Variants in COG3 observed in about 807,000 individuals in gnomAD.
The protein encoded by COG3 is conserved oligomeric Golgi complex subunit 3.
A neutral mutation model predicts 114.1 loss-of-function variants in COG3; 32 were observed. The observed-to-expected ratio is 0.28, with a 90% confidence interval of 0.21 to 0.38. The LOEUF (loss-of-function observed/expected upper bound fraction) is 0.38. Among genes scored for constraint, COG3 ranks in the 10% least tolerant of loss-of-function variants. The probability of loss-of-function intolerance (pLI) is 1.00; values close to 1 mark genes in which losing one functional copy is unlikely to be tolerated. For synonymous variants in COG3, 352 were observed against 365.7 expected, an observed-to-expected ratio of 0.96 and a Z score of 0.43; for missense variants, 813 against 973.2, an observed-to-expected ratio of 0.84 and a Z score of 2.19.
chr13:45,511,669 A>T (rs1451278893), intron 15 of COG3, 96 bp from the exon 16 acceptor site: 1 of 868,156 alleles, frequency 1.2e-6, no homozygotes, highest in African/African-American at 1.7e-5. Flanking sequence ...CCATGAGGGC[A>T]AGCAGGCATT....
chr13:45,506,747 A>G (rs949503109), intron 14 of COG3, among the ~76,000 whole-genome samples: 1 of 152,214 alleles, frequency 6.6e-6, no homozygotes, highest in Non-Finnish European at 1.5e-5. Flanking sequence ...AGTCATAATC[A>G]CTTTTCCTGG....
chr13:45,530,880 TA>T, intron 22 of COG3, 100 bp downstream of exon 22: 1 of 1,363,838 alleles, frequency 7.3e-7, no homozygotes, highest in Middle Eastern at 2.1e-4. Flanking sequence ...AGTATTAATT[TA>T]AAAAATATTA....
chr13:45,535,981 C>A lies in COG3; in HGVS notation c.*1250C>A. ...CTTTTGGTGCAGTGGGTGCCTGTAA[C>A]TCATTAGACGTACTGAGGCAGCACT... On this transcript the variant is annotated 3_prime_UTR_variant, in exon 23 of 23. Transcript: ENST00000349995. 1 of 519,612 alleles carries A rather than the reference C, an allele frequency of 1.9e-6. No individual in the cohort carries two copies. The highest frequency in any genetic ancestry group is 2.5e-6 in the Non-Finnish European group (1 of 402,756). 32.2% of individuals were successfully genotyped at this position (519,612 alleles called of 1,614,324 possible). A position where few individuals can be genotyped will look rare whatever the true frequency, so the allele number is the denominator to read the frequency against.
Position 45,535,841 on chromosome 13 carries a change from G to A in COG3, c.*1110G>A, listed in dbSNP as rs1454075999. The A allele has an allele frequency of 2.7e-5, 27 of 987,486 alleles. No homozygotes were observed. The highest frequency in any genetic ancestry group is 3.1e-5 in the Non-Finnish European group (26 of 830,122). 61.2% of individuals were successfully genotyped at this position (987,486 alleles called of 1,614,324 possible). ...AAATTCCTACTTCCTGATTGGATTG[G>A]TTTTGCCGCTGATGTTAAGGCAGCC... On this transcript the variant is annotated 3_prime_UTR_variant, in exon 23 of 23. Coordinates refer to ENST00000349995, the MANE Select transcript of COG3 (RefSeq NM_031431.4).
In COG3 at chr13:45,480,166, A is replaced by G. The variant is rs1886161741; in HGVS notation, c.425A>G (p.Asp142Gly). 6.2e-7 allele frequency: 1 copy of G among 1,613,532 alleles called. No homozygotes were observed. Among genetic ancestry groups the G allele is most frequent in the Non-Finnish European group, 8.5e-7 (1 of 1,179,666 alleles). Residue 142 changes from aspartate to glycine, a missense_variant, in exon 4 of 23, where the codon GAT becomes GGT. Transcript: ENST00000349995. The stretch of plus-strand genomic sequence containing the variant: ...TTGTCTGGGTTTCAGGAGCAGTGTG[A>G]TGCTATATTGAATGATGTAAACAGT... ...DYLSGFQEQC[D>G]AILNDVNSAL... is the part of the protein sequence containing the mutation.
chr13:45,469,879 A>G (rs1314364493), intron 1 of COG3, among the ~76,000 whole-genome samples: 1 of 152,180 alleles, frequency 6.6e-6, no homozygotes, highest in African/African-American at 2.4e-5. Context: ...ATTCAAAATT[A>G]TTTCTTTAGT....
At chr13:45,514,893 C>T (rs1871377815) in intron 16 of COG3, among the ~76,000 whole-genome samples, 1 of 152,130 alleles carries the variant, frequency 6.6e-6, no homozygotes, top group African/African-American at 2.4e-5. Context: ...CGTGATCCGA[C>T]TGTCTCGGCC....
intron 13 of COG3, among the ~76,000 whole-genome samples, chr13:45,500,017 TAAA>T (rs71999241): frequency 2.0e-4 from 29 of 147,990 alleles, no homozygotes; most frequent in Middle Eastern, 3.4e-3. Context: ...GACACTGCCT[TAAA>T]AAAAAATATA....
chr13:45,524,883 A>AC, intron 19 of COG3, 93 bp from the exon 20 acceptor site: 1 of 796,828 alleles, frequency 1.3e-6, no homozygotes, highest in Non-Finnish European at 2.0e-6. Context: ...GGTGTTGTGT[A>AC]TCCCTTGAGA....
chr13:45,532,791 G>A (rs3014897), intron 22 of COG3, among the ~76,000 whole-genome samples: 1 of 151,668 alleles, frequency 6.6e-6, no homozygotes, highest in Non-Finnish European at 1.5e-5. Flanking sequence ...TCTGCTGACC[G>A]CGTGATCCAC....
At chr13:45,534,219 C>T (rs1248204281) in intron 22 of COG3, among the ~76,000 whole-genome samples, 2 of 152,258 alleles carry the variant, frequency 1.3e-5, no homozygotes, top group East Asian at 1.9e-4. Flanking sequence ...CAACACACTG[C>T]ATAGAACAAG....
At chr13:45,514,686 C>T (rs572843713) in intron 16 of COG3, among the ~76,000 whole-genome samples, 11 of 151,858 alleles carry the variant, frequency 7.2e-5, no homozygotes, top group South Asian at 2.1e-4. Flanking sequence ...CTCCCTCTGT[C>T]GCCCAGGCTG....
chr13:45,507,621 T>C (rs1307123176), intron 14 of COG3, among the ~76,000 whole-genome samples: 1 of 151,628 alleles, frequency 6.6e-6, no homozygotes, highest in Non-Finnish European at 1.5e-5. Context: ...AAAAATTAGC[T>C]GGGTGTGGTG....
rs576050376 is a variant in COG3, at chr13:45,464,997, C to T, written c.-40C>T. On this transcript the variant is annotated 5_prime_UTR_variant, in exon 1 of 23. Transcript: ENST00000349995. ...GCCCAGGTCTCTCTGTCGGGGTCCC[C>T]TCCATCTCGCTGCTGCTGAAGGCCG... 1.0e-4 allele frequency: 158 copies of T among 1,540,456 alleles called. No homozygotes were observed. The East Asian group carries it at 3.3e-3, about 33-fold the overall frequency.
chr13:45,475,708 T>C (rs1037896277), intron 1 of COG3, among the ~76,000 whole-genome samples: 2 of 152,138 alleles, frequency 1.3e-5, no homozygotes, highest in Non-Finnish European at 2.9e-5. Context: ...CTCATGCCTG[T>C]AATCTCAGCA....
chr13:45,530,776 A>C lies in COG3; in HGVS notation c.2453A>C (p.Glu818Ala), dbSNP rs758303104. Residue 818 changes from glutamate (E) to alanine (A), a missense_variant, in exon 22 of 23, where the codon GAA becomes GCA. Transcript: ENST00000349995. ...CAGATCATTGCCTGTCCATCTATGG[A>C]ACAGGTAATGGGTAGACTGAAGATC... ...DIQIIACPSM[E>A]QLSLLLLVSK 6.2e-7 allele frequency: 1 copy of C among 1,607,108 alleles called. No homozygotes were observed. Among genetic ancestry groups the C allele is most frequent in the South Asian group, 1.1e-5 (1 of 90,906 alleles).
At chr13:45,484,714 GGTCTCTGGTTTTCCTAGGCAGA>G (rs1252735473) in intron 7 of COG3, among the ~76,000 whole-genome samples, 1 of 140,298 alleles carries the variant, frequency 7.1e-6, no homozygotes, top group East Asian at 2.0e-4. Flanking sequence ...AGTGAACAAA[GGTCTCTGGTTTTCCTAGGCAGA>G]GGACCCTGCG....
Position 45,525,634 on chromosome 13 carries a change from G to GTTTTTTTTTTTTTTTTTTTTT in COG3, c.2230+601_2230+602insTTTTTTTTTTTTTTTTTTTTT, listed in dbSNP as rs59577529. On this transcript the variant is annotated intron_variant, in intron 20 of 22. Transcript: ENST00000349995. ...ATTTTTTTGTGCTGGAGGGCTTTGG[G>GTTTTTTTTTTTTTTTTTTTTT]TTTTTTTTTTTTTTTTTTGGTCTTT... Among the ~76,000 whole-genome samples the GTTTTTTTTTTTTTTTTTTTTT allele has an allele frequency of 1.1e-3, 61 of 56,630 alleles. 1 individual carries two copies. The highest frequency in any genetic ancestry group is 2.0e-3 in the East Asian group (3 of 1,502). 37.2% of individuals were successfully genotyped at this position (56,630 alleles called of 152,430 possible). A position where few individuals can be genotyped will look rare whatever the true frequency, so the allele number is the denominator to read the frequency against.
At chr13:45,518,906 C>T in intron 18 of COG3, 54 bp from the exon 19 acceptor site, 1 of 1,611,770 alleles carries the variant, frequency 6.2e-7, no homozygotes, top group Non-Finnish European at 8.5e-7. Flanking sequence ...CTTTACATGT[C>T]TGGTGATTTC....
Sources: gnomAD v4.1 joint callset for allele counts (sites outside exome capture counted in the v4.1 genomes callset) on GRCh38, gnomAD v4.1.1 for gene constraint, MANE v1.5 for transcripts, NCBI Gene and HGNC (gene_info 2026-07-23, HGNC 2026-07-21) for gene names.